The following OPCML variants were observed in gnomAD, a reference collection of about 807,000 sequenced individuals.
OPCML encodes the protein opioid-binding protein/cell adhesion molecule.
Under a neutral mutation model 37.8 loss-of-function variants are expected in OPCML, and 13 were observed. The ratio of observed to expected loss-of-function variants is 0.34; its 90% CI spans 0.22 to 0.55. The LOEUF is 0.55. Ranked by LOEUF, OPCML falls within the 20% of genes least tolerant of loss-of-function variation. OPCML has a pLI of 0.91. For missense variants in OPCML, 341 were observed against 435.6 expected, an observed-to-expected ratio of 0.78 and a Z score of 1.93; for synonymous variants, 176 against 168.8, an observed-to-expected ratio of 1.04 and a Z score of -0.33.
chr11:132,438,455 A>C (rs1400986190), intron 4 of OPCML, among the ~76,000 whole-genome samples: 1 of 152,186 alleles, frequency 6.6e-6, no homozygotes, highest in Non-Finnish European at 1.5e-5. Context: ...TCCACCATGG[A>C]TGTGAAGCAG....
intron 4 of OPCML, among the ~76,000 whole-genome samples, chr11:132,521,275 T>C (rs527310150): frequency 2.0e-5 from 3 of 152,304 alleles, no homozygotes; most frequent in African/African-American, 7.2e-5. Context: ...TTCCTGATAT[T>C]TGATCTTTGT....
rs151207243 is a variant in OPCML, at chr11:133,026,990, C to A, written c.62-83980G>T. Among the ~76,000 whole-genome samples, 450 of 152,228 alleles carry A rather than the reference C, an allele frequency of 3.0e-3. 2 individuals are homozygous for A. The highest frequency in any genetic ancestry group is 0.01 in the African/African-American group (429 of 41,526). The stretch of plus-strand genomic sequence containing the variant: ...GGAGAATTCTAAGAGTTGAGCCAGG[C>A]CACAGAGGGCAGATGGGAACTTAAG... On this transcript the variant is annotated intron_variant, in intron 1 of 7. Transcript: ENST00000524381.
intron 1 of OPCML, among the ~76,000 whole-genome samples, chr11:132,982,977 G>C (rs1946618710): frequency 6.6e-6 from 1 of 152,142 alleles, no homozygotes; most frequent in African/African-American, 2.4e-5. Context: ...TGGCTTATTT[G>C]CATAACAATT....
intron 2 of OPCML, among the ~76,000 whole-genome samples, chr11:132,747,872 G>A (rs530678023): frequency 7.3e-4 from 111 of 152,230 alleles, no homozygotes; most frequent in African/African-American, 2.5e-3. Context: ...TCACTATGTT[G>A]TCCAGGCTGG....
intron 1 of OPCML, among the ~76,000 whole-genome samples, chr11:133,054,611 G>T (rs565971571): frequency 6.6e-6 from 1 of 152,306 alleles, no homozygotes; most frequent in South Asian, 2.1e-4. Flanking sequence ...AACACTTACA[G>T]GAATTTAAAA....
chr11:133,261,933 G>A (rs1156588057), intron 1 of OPCML, among the ~76,000 whole-genome samples: 1 of 152,040 alleles, frequency 6.6e-6, no homozygotes, highest in Non-Finnish European at 1.5e-5. Context: ...TGCCTTTGAG[G>A]GTTCGGATGT....
chr11:133,279,589 C>T (rs1942085200), intron 1 of OPCML, among the ~76,000 whole-genome samples: 1 of 152,176 alleles, frequency 6.6e-6, no homozygotes, highest in Non-Finnish European at 1.5e-5. Flanking sequence ...CTAAGGACAC[C>T]TCTCAGAGCA....
intron 2 of OPCML, among the ~76,000 whole-genome samples, chr11:132,875,554 TC>T (rs966290977): frequency 1.1e-4 from 17 of 150,516 alleles, no homozygotes; most frequent in Non-Finnish European, 4.4e-5. Context: ...AACCTCTACC[TC>T]CCGGATTCAA....
chr11:132,697,510 A>G (rs905365721), intron 2 of OPCML, among the ~76,000 whole-genome samples: 1 of 152,170 alleles, frequency 6.6e-6, no homozygotes, highest in African/African-American at 2.4e-5. Flanking sequence ...TAGATTCTAC[A>G]TATAAGTGAG....
rs188960638 is a variant in OPCML at position 132,962,079 on chromosome 11, A to G, written c.62-19069T>C. On this transcript the variant is annotated intron_variant, in intron 1 of 7. Transcript: ENST00000524381. ...TCTTTCTTTATTCTCAGTACCAAGC[A>G]CAATGCTTGGCAAAGAGGCCGTGCT... 3.4e-3 allele frequency among the ~76,000 whole-genome samples: 513 copies of G among 152,390 alleles called. 3 individuals are homozygous for G. The highest frequency in any genetic ancestry group is 0.012 in the African/African-American group (496 of 41,592).
At chr11:133,406,180 C>T (rs573317861) in intron 1 of OPCML, among the ~76,000 whole-genome samples, 3 of 152,220 alleles carry the variant, frequency 2.0e-5, no homozygotes, top group Admixed American at 6.5e-5. Context: ...GCACATTTCT[C>T]TAAACTTCGG....
intron 2 of OPCML, among the ~76,000 whole-genome samples, chr11:132,660,163 G>A (rs568969734): frequency 5.9e-5 from 9 of 152,150 alleles, no homozygotes; most frequent in East Asian, 1.9e-4. Context: ...TTTAAATGCC[G>A]TAGATAAATA....
rs192371421 is a variant in OPCML at position 133,347,589 on chromosome 11, T to C, written c.61+184675A>G. ...ACAGGACAGAGTTTACAGATTTAGG[T>C]TGGCCTCTGAAATTAAGACTAAAGA... On this transcript the variant is annotated intron_variant, in intron 1 of 7. Transcript: ENST00000524381. 1.3e-3 allele frequency among the ~76,000 whole-genome samples: 195 copies of C among 152,156 alleles called. 1 individual carries two copies. The South Asian group carries it at 0.017, about 13-fold the overall frequency.
At chr11:133,084,638 G>C (rs1036386010) in intron 1 of OPCML, among the ~76,000 whole-genome samples, 1 of 152,184 alleles carries the variant, frequency 6.6e-6, no homozygotes, top group African/African-American at 2.4e-5. Flanking sequence ...CAGGCAGTCG[G>C]ACAGATAGGG....
At chr11:133,304,550 G>A (rs569797190) in intron 1 of OPCML, among the ~76,000 whole-genome samples, 19 of 152,246 alleles carry the variant, frequency 1.2e-4, no homozygotes, top group African/African-American at 2.2e-4. Context: ...ATTCTATGCC[G>A]ATGCCTTCTT....
intron 1 of OPCML, among the ~76,000 whole-genome samples, chr11:133,452,087 A>G (rs959063400): frequency 1.3e-5 from 2 of 151,742 alleles, no homozygotes; most frequent in African/African-American, 2.4e-5. Flanking sequence ...TGTCCAGAAT[A>G]TAATCAAAAT....
chr11:133,367,910 G>C (rs1054170621), intron 1 of OPCML, among the ~76,000 whole-genome samples: 2 of 152,186 alleles, frequency 1.3e-5, no homozygotes, highest in East Asian at 1.9e-4. Context: ...ATGTGGGCCT[G>C]TTTCCTGACT....
intron 3 of OPCML, among the ~76,000 whole-genome samples, chr11:132,618,341 C>T (rs942495951): frequency 1.3e-5 from 2 of 152,068 alleles, no homozygotes; most frequent in African/African-American, 4.8e-5. Flanking sequence ...CCCATCTGTA[C>T]TAAAAATACA....
chr11:132,758,396 G>A (rs1171274577), intron 2 of OPCML, among the ~76,000 whole-genome samples: 2 of 152,194 alleles, frequency 1.3e-5, no homozygotes, highest in African/African-American at 4.8e-5. Flanking sequence ...ACTTTGGGCA[G>A]TATGGCCATT....
Sources: allele counts gnomAD v4.1 joint callset (sites outside exome capture counted in the v4.1 genomes callset), GRCh38; gene constraint gnomAD v4.1.1; transcripts MANE v1.5; gene names NCBI Gene and HGNC (gene_info 2026-07-23, HGNC 2026-07-21).